PIP4K2A: variants seen among roughly 807,000 people sequenced by gnomAD.
PIP4K2A encodes phosphatidylinositol-5-phosphate 4-kinase type 2 alpha.
Under a neutral mutation model 42.9 loss-of-function variants are expected in PIP4K2A, and 14 were observed. That is an observed-to-expected ratio of 0.33 (90% CI 0.22 to 0.51). The LOEUF is 0.51. Among genes scored for constraint, PIP4K2A ranks in the 20% least tolerant of loss-of-function variants. The pLI is 0.97. For synonymous variants in PIP4K2A, 192 were observed against 192.2 expected (o/e 1.00, Z 0.01); for missense variants, 434 against 519.8 (o/e 0.83, Z 1.61).
At chr10:22,710,063 CAAA>C (rs34126375) in intron 1 of PIP4K2A, among the ~76,000 whole-genome samples, 40 of 124,634 alleles carry the variant, frequency 3.2e-4, no homozygotes, top group Non-Finnish European at 3.6e-4. Context: ...ACCCATGAAC[CAAA>C]AAAAAAAAAA....
chr10:22,569,617 A>G (rs939003083), intron 5 of PIP4K2A, among the ~76,000 whole-genome samples: 2 of 152,142 alleles, frequency 1.3e-5, no homozygotes, highest in African/African-American at 4.8e-5. Flanking sequence ...AAACTATTCT[A>G]CTTTGAATTC....
Position 22,539,885 on chromosome 10 carries a change from A to AGG in PIP4K2A, c.1140+84_1140+85dup, listed in dbSNP as rs59155025. On this transcript the variant is annotated intron_variant, in intron 9 of 9. Transcript: ENST00000376573. ...GAGTTACAGGTCACACAGAGGAGCC[A>AGG]GGAGAGAGAGAGAGAGAGAGAGAGA... 515 of 759,594 alleles carry AGG rather than the reference A, an allele frequency of 6.8e-4. 9 individuals carry two copies. In the African/African-American group the frequency reaches 9.9e-3, roughly 15 times the overall value. The allele number at this position is 759,594 out of a possible 1,614,324, so 47.1% of individuals were successfully genotyped here.
At chr10:22,572,469 T>C (rs1837012414) in intron 5 of PIP4K2A, among the ~76,000 whole-genome samples, 1 of 152,032 alleles carries the variant, frequency 6.6e-6, no homozygotes, top group Non-Finnish European at 1.5e-5. Flanking sequence ...ATACAAAAAA[T>C]TAGCTGAGCA....
intron 3 of PIP4K2A, among the ~76,000 whole-genome samples, chr10:22,605,113 GA>G (rs1208758463): frequency 6.6e-6 from 1 of 152,190 alleles, no homozygotes; most frequent in Non-Finnish European, 1.5e-5. Context: ...CAGACACTGG[GA>G]AAGAAATATA....
At chr10:22,685,028 T>C (rs1206182137) in intron 1 of PIP4K2A, among the ~76,000 whole-genome samples, 2 of 152,192 alleles carry the variant, frequency 1.3e-5, no homozygotes, top group Admixed American at 6.5e-5. Context: ...GGTGACACTC[T>C]TGTCATTTAA....
intron 1 of PIP4K2A, among the ~76,000 whole-genome samples, chr10:22,708,148 T>G (rs144675674): frequency 2.4e-3 from 368 of 152,228 alleles, no homozygotes; most frequent in African/African-American, 8.5e-3. Flanking sequence ...TCTTTCACCT[T>G]CCTTCTACTT....
At chr10:22,544,294 G>A (rs962277391) in intron 7 of PIP4K2A, among the ~76,000 whole-genome samples, 1 of 149,568 alleles carries the variant, frequency 6.7e-6, no homozygotes, top group African/African-American at 2.5e-5. Context: ...GTACCCAGTT[G>A]TCTTCTCCAA....
intron 1 of PIP4K2A, among the ~76,000 whole-genome samples, chr10:22,649,762 C>CCA (rs1838955083): frequency 6.6e-6 from 1 of 152,148 alleles, no homozygotes; most frequent in South Asian, 2.1e-4. Context: ...ATGGCCATAC[C>CCA]CACATCAGTC....
chr10:22,582,791 A>G (rs1050080406), intron 4 of PIP4K2A, among the ~76,000 whole-genome samples: 10 of 152,100 alleles, frequency 6.6e-5, no homozygotes, highest in African/African-American at 2.4e-4. Flanking sequence ...AAATAAATAA[A>G]TAAATGATAC....
At position 22,536,005 on chromosome 10, in the gene PIP4K2A, T is replaced by G; in HGVS notation, c.*1196A>C. On this transcript the variant is annotated 3_prime_UTR_variant, in exon 10 of 10. Transcript: ENST00000376573. The stretch of plus-strand genomic sequence containing the variant: ...GTCTCAAAATATGACAAACGTTATT[T>G]CACCTATACTGTGACTTTACATGTA... 1 of 397,740 alleles carries G rather than the reference T, an allele frequency of 2.5e-6. No homozygotes were observed. The highest frequency in any genetic ancestry group is 3.6e-5 in the East Asian group (1 of 28,024). 24.6% of individuals were successfully genotyped at this position (397,740 alleles called of 1,614,324 possible).
intron 6 of PIP4K2A, among the ~76,000 whole-genome samples, chr10:22,555,769 A>C (rs1205697470): frequency 1.3e-5 from 2 of 152,124 alleles, no homozygotes; most frequent in East Asian, 1.9e-4. Flanking sequence ...TAAAAAAAAA[A>C]AACAATTTAT....
chr10:22,690,670 T>C (rs2130898095), intron 1 of PIP4K2A, among the ~76,000 whole-genome samples: 1 of 152,328 alleles, frequency 6.6e-6, no homozygotes, highest in South Asian at 2.1e-4. Context: ...ATTTGGGTCA[T>C]CCTTACCTCA....
At chr10:22,588,692 G>C (rs1435009238) in intron 4 of PIP4K2A, among the ~76,000 whole-genome samples, 1 of 152,178 alleles carries the variant, frequency 6.6e-6, no homozygotes, top group African/African-American at 2.4e-5. Context: ...GATCATCCAA[G>C]AGGCAGTTCC....
intron 6 of PIP4K2A, among the ~76,000 whole-genome samples, chr10:22,564,398 G>A (rs1244673571): frequency 6.6e-6 from 1 of 152,194 alleles, no homozygotes; most frequent in Non-Finnish European, 1.5e-5. Flanking sequence ...CCTGCTAGTG[G>A]TAGTCCCAAG....
At chr10:22,681,525 A>C (rs1445082713) in intron 1 of PIP4K2A, among the ~76,000 whole-genome samples, 1 of 152,120 alleles carries the variant, frequency 6.6e-6, no homozygotes, top group Non-Finnish European at 1.5e-5. Flanking sequence ...AATTTTAAAA[A>C]TTAGCCAGGT....
chr10:22,550,509 T>C, intron 7 of PIP4K2A, 150 bp downstream of exon 7: 1 of 654,542 alleles, frequency 1.5e-6, no homozygotes, highest in Non-Finnish European at 2.7e-6. Context: ...TCATGTAACA[T>C]GAGACACCTT....
intron 1 of PIP4K2A, among the ~76,000 whole-genome samples, chr10:22,641,533 A>T (rs1174853213): frequency 6.6e-6 from 1 of 151,544 alleles, no homozygotes; most frequent in East Asian, 1.9e-4. Context: ...CCTTGAACTC[A>T]TGGGCTCAAG....
At chr10:22,584,069 T>C (rs951170502) in intron 4 of PIP4K2A, among the ~76,000 whole-genome samples, 1 of 152,202 alleles carries the variant, frequency 6.6e-6, no homozygotes, top group African/African-American at 2.4e-5. Flanking sequence ...CCCCAAACTG[T>C]GTCATCATCT....
intron 4 of PIP4K2A, among the ~76,000 whole-genome samples, chr10:22,589,568 T>C (rs565834738): frequency 9.3e-4 from 141 of 152,238 alleles, no homozygotes; most frequent in Non-Finnish European, 1.5e-3. Context: ...AAGATTTTTA[T>C]AGACTTCACT....
Sources: gnomAD v4.1 joint callset for allele counts (sites outside exome capture counted in the v4.1 genomes callset) on GRCh38, gnomAD v4.1.1 for gene constraint, MANE v1.5 for transcripts, NCBI Gene and HGNC (gene_info 2026-07-23, HGNC 2026-07-21) for gene names.